Variants in UCHL5 observed in about 807,000 individuals in gnomAD.
UCHL5 encodes the protein ubiquitin carboxyl-terminal hydrolase isozyme L5.
A neutral mutation model predicts 53.8 loss-of-function variants in UCHL5; 34 were observed. The ratio of observed to expected loss-of-function variants is 0.63; its 90% CI spans 0.48 to 0.84. The LOEUF is 0.84. UCHL5 is among the 40% of genes least tolerant of loss of function. UCHL5 has a pLI of 0.00. For missense variants in UCHL5, 290 were observed against 385.6 expected (o/e 0.75, Z 2.08); for synonymous variants, 111 against 126.3 (o/e 0.88, Z 0.81).
rs1346064444 is a variant in UCHL5, at chr1:193,014,155, A to C, written c.*2196T>G. 6.6e-6 allele frequency: 1 copy of C among 152,164 alleles called. No homozygotes were observed. The highest frequency in any genetic ancestry group is 1.5e-5 in the Non-Finnish European group (1 of 68,026). The allele number at this position is 152,164 out of a possible 1,614,324, so 9.4% of individuals were successfully genotyped here. On this transcript the variant is annotated 3_prime_UTR_variant, in exon 11 of 11. Transcript: ENST00000367454. ...TTTATCTATTTATGGGTTGCTCTTT[A>C]TTCTTCCATTTTCTCTACCCTCTAG...
chr1:193,048,403 A>G (rs1254291966), intron 3 of UCHL5, among the ~76,000 whole-genome samples: 1 of 152,220 alleles, frequency 6.6e-6, no homozygotes, highest in African/African-American at 2.4e-5. Context: ...CTAATGTGTC[A>G]ACACTTAGAA....
chr1:193,021,227 C>T (rs754391482), intron 9 of UCHL5, 32 bp from the exon 10 acceptor site: 2 of 1,371,656 alleles, frequency 1.5e-6, no homozygotes, highest in East Asian at 2.3e-5. Context: ...ACACTAACTA[C>T]ATTTCTGCTA....
intron 3 of UCHL5, among the ~76,000 whole-genome samples, chr1:193,040,406 A>G (rs1464698970): frequency 6.6e-6 from 1 of 152,208 alleles, no homozygotes; most frequent in Non-Finnish European, 1.5e-5. Flanking sequence ...ACTCAACATC[A>G]TTAATCATCA....
At position 193,017,000 on chromosome 1, in the gene UCHL5, T is replaced by C. The variant is rs940043735; in HGVS notation, c.943-605A>G. Reference sequence around the variant, plus strand: ...AAAAAGCCAGAGCTTATAGATGTTATCAAGCTTGACCAAAGTCCCACAGCT... The same window carrying C: ...AAAAAGCCAGAGCTTATAGATGTTACCAAGCTTGACCAAAGTCCCACAGCT... On this transcript the variant is annotated intron_variant, in intron 10 of 10. Coordinates refer to ENST00000367454, the MANE Select transcript of UCHL5 (RefSeq NM_001199261.3). Among the ~76,000 whole-genome samples the C allele has an allele frequency of 3.5e-4, 53 of 151,952 alleles. 1 individual carries two copies. Among genetic ancestry groups the C allele is most frequent in the African/African-American group, 1.2e-3 (51 of 41,550 alleles).
At chr1:193,020,417 G>A in intron 10 of UCHL5, 1 of 1,545,888 alleles carries the variant, frequency 6.5e-7, no homozygotes, top group South Asian at 1.2e-5. Context: ...AGAATCACTT[G>A]GGGAACTTAT....
chr1:193,026,089 CAAAAAAA>C (rs200994694), intron 7 of UCHL5, among the ~76,000 whole-genome samples: 1 of 64,406 alleles, frequency 1.6e-5, no homozygotes, highest in African/African-American at 5.8e-5. Context: ...TATGCATAGG[CAAAAAAA>C]AAAAAAAAAA....
In UCHL5 at chr1:193,021,143, A is replaced by T. The variant is rs1246077586; in HGVS notation, c.896T>A (p.Leu299Ter). Residue 299 changes from leucine (L) to a stop codon, truncating the protein, a stop_gained, in exon 10 of 11, where the codon TTA (leucine) becomes TAA (stop). Transcript: ENST00000367454. LOFTEE classifies it high-confidence loss of function. ...HNYLPFIMEL[L>*]KTLAEHQQLI... ...CTGCTGGTGTTCTGCTAAAGTCTTTAACAATTCCATAATGAAAGGCAGATA... is the reference window on the plus strand; with the variant it reads ...CTGCTGGTGTTCTGCTAAAGTCTTTTACAATTCCATAATGAAAGGCAGATA... The T allele has an allele frequency of 5.0e-6, 8 of 1,610,816 alleles. No homozygotes were observed. Among genetic ancestry groups the T allele is most frequent in the Non-Finnish European group, 2.5e-6 (3 of 1,178,280 alleles).
upstream of UCHL5, chr1:193,060,059 C>T: frequency 7.5e-7 from 1 of 1,326,232 alleles, no homozygotes; most frequent in Non-Finnish European, 1.0e-6. Flanking sequence ...TCGCTCCCCA[C>T]AGGCCGACGT....
chr1:193,025,642 G>A (rs369333983), intron 7 of UCHL5, among the ~76,000 whole-genome samples: 51 of 152,256 alleles, frequency 3.3e-4, no homozygotes, highest in Admixed American at 7.2e-4. Context: ...GTCACTGAAG[G>A]CCTAGTAGGG....
chr1:193,029,685 A>G (rs1441936585), intron 3 of UCHL5, 28 bp from the exon 4 acceptor site: 4 of 1,539,560 alleles, frequency 2.6e-6, no homozygotes, highest in Non-Finnish European at 2.6e-6. Flanking sequence ...GAAGATATCA[A>G]TGTGTTTAAA....
chr1:193,036,893 T>C (rs1663703378), intron 3 of UCHL5, among the ~76,000 whole-genome samples: 1 of 151,936 alleles, frequency 6.6e-6, no homozygotes, highest in African/African-American at 2.4e-5. Flanking sequence ...AACAACATGT[T>C]ACTAAATGAT....
chr1:193,016,449 A>G (rs1438263210), intron 10 of UCHL5, 54 bp from the exon 11 acceptor site: 3 of 1,526,218 alleles, frequency 2.0e-6, no homozygotes, highest in Non-Finnish European at 2.7e-6. Context: ...TTTAGACTAT[A>G]TTAGAATAAA....
intron 3 of UCHL5, among the ~76,000 whole-genome samples, chr1:193,043,151 T>TTAAAAAAAAGAAAAAAAAAAA (rs1553255148): frequency 2.7e-5 from 1 of 36,376 alleles, no homozygotes; most frequent in Non-Finnish European, 5.6e-5. Flanking sequence ...TCTTGAATAT[T>TTAAAAAAAAGAAAAAAAAAAA]AAAAAAAAAA....
chr1:193,018,883 A>T (rs1250137849), intron 10 of UCHL5: 7 of 1,451,426 alleles, frequency 4.8e-6, no homozygotes, highest in Non-Finnish European at 6.5e-6. Flanking sequence ...TCTATAGGTA[A>T]TTTTTCTTAG....
intron 7 of UCHL5, among the ~76,000 whole-genome samples, chr1:193,025,066 T>C (rs1658653267): frequency 6.6e-6 from 1 of 152,178 alleles, no homozygotes; most frequent in Admixed American, 6.5e-5. Context: ...GTGAATTTCC[T>C]GAGGTTTTTT....
rs536414231 is a variant in UCHL5 at position 193,016,174 on chromosome 1, G to T, written c.*177C>A. 1.5e-6 allele frequency: 1 copy of T among 658,118 alleles called. No homozygotes were observed. Among genetic ancestry groups the T allele is most frequent in the African/African-American group, 1.9e-5 (1 of 53,098 alleles). 40.8% of individuals were successfully genotyped at this position (658,118 alleles called of 1,614,324 possible). A position where few individuals can be genotyped will look rare whatever the true frequency, so the allele number is the denominator to read the frequency against. On this transcript the variant is annotated 3_prime_UTR_variant, in exon 11 of 11. Transcript: ENST00000367454. ...CACTTTCATTTAATATGCACTACATGCACATGATGCAGGTAGGGAAGAAGT... is the reference window on the plus strand; with the variant it reads ...CACTTTCATTTAATATGCACTACATTCACATGATGCAGGTAGGGAAGAAGT...
intron 7 of UCHL5, among the ~76,000 whole-genome samples, chr1:193,024,174 T>C (rs571650883): frequency 6.6e-6 from 1 of 151,850 alleles, no homozygotes; most frequent in African/African-American, 2.4e-5. Flanking sequence ...GTTTAGAAGC[T>C]GGAGGCTGCA....
At position 193,059,339 on chromosome 1, in the gene UCHL5, C is replaced by T; in HGVS notation, c.-79G>A. 1.2e-6 allele frequency: 2 copies of T among 1,606,058 alleles called. No homozygotes were observed. The highest frequency in any genetic ancestry group is 1.7e-6 in the Non-Finnish European group (2 of 1,176,616). ...ACCAGCTGCCGCCGGCCACAGATCT[C>T]AGCAAACCCGCCGCCGAGCTCGTCA... On this transcript the variant is annotated 5_prime_UTR_variant, in exon 1 of 11. Coordinates refer to ENST00000367454, the MANE Select transcript of UCHL5 (RefSeq NM_001199261.3). The surrounding 1 kb of genome is among the most constrained non-coding windows in gnomAD (Gnocchi z 4.9).
At chr1:193,023,150 G>A in intron 8 of UCHL5, 114 bp from the exon 9 acceptor site, 2 of 758,760 alleles carry the variant, frequency 2.6e-6, no homozygotes, top group Non-Finnish European at 4.3e-6. Context: ...TCTTCATATT[G>A]ATAGCAGCAT....
Sources: allele counts gnomAD v4.1 joint callset (sites outside exome capture counted in the v4.1 genomes callset), GRCh38; gene constraint gnomAD v4.1.1; non-coding constraint Gnocchi (gnomAD v3.1); transcripts MANE v1.5; gene names NCBI Gene and HGNC (gene_info 2026-07-23, HGNC 2026-07-21).